The following ANKRD45 variants were observed in gnomAD, a reference collection of about 807,000 sequenced individuals.
ANKRD45 encodes the protein ankyrin repeat domain 45, also known as ankyrin repeat domain-containing protein 45.
A neutral mutation model predicts 28.1 loss-of-function variants in ANKRD45; 21 were observed. The ratio of observed to expected loss-of-function variants is 0.75; its 90% CI spans 0.53 to 1.08. ANKRD45 has a LOEUF of 1.08. Ranked by LOEUF, ANKRD45 falls within the 50% of genes least tolerant of loss-of-function variation. ANKRD45 has a pLI of 0.00. For synonymous variants in ANKRD45, 86 were observed against 103.9 expected (o/e 0.83, Z 1.05); for missense variants, 261 against 308.7 (o/e 0.85, Z 1.16).
intron 5 of ANKRD45, among the ~76,000 whole-genome samples, chr1:173,617,088 A>G (rs1239292772): frequency 6.6e-6 from 1 of 152,118 alleles, no homozygotes; most frequent in East Asian, 1.9e-4. Flanking sequence ...TCATGAGCCC[A>G]TGCCACCAGA....
intron 3 of ANKRD45, among the ~76,000 whole-genome samples, chr1:173,634,160 A>C (rs2102337106): frequency 6.6e-6 from 1 of 152,092 alleles, no homozygotes; most frequent in South Asian, 2.1e-4. Flanking sequence ...ATTTTTTTAA[A>C]TGGGCAAAAG....
At chr1:173,676,255 T>C in the ANKRD45 span, among the ~76,000 whole-genome samples, 8,522 of 152,306 alleles carry the variant, frequency 0.056, 344 homozygotes, top group Non-Finnish European at 0.08. Context: ...AATAATTGTA[T>C]TGTCATAAGA....
At chr1:173,689,153 A>T in the ANKRD45 span, among the ~76,000 whole-genome samples, 2 of 152,132 alleles carry the variant, frequency 1.3e-5, no homozygotes, top group Admixed American at 1.3e-4. Context: ...TTAGTTCAGG[A>T]CATCCTCTCT....
At position 173,609,659 on chromosome 1, in the gene ANKRD45, G is replaced by T. The variant is rs1336498891; in HGVS notation, c.*486C>A. 1 of 154,294 alleles carries T rather than the reference G, an allele frequency of 6.5e-6. No homozygotes were observed. Among genetic ancestry groups the T allele is most frequent in the Non-Finnish European group, 1.4e-5 (1 of 69,560 alleles). 9.6% of individuals were successfully genotyped at this position (154,294 alleles called of 1,614,324 possible). ...ACTCAGAGGTATACCCCACCTCACA[G>T]GTGAAATTTAATTTTGGACATAAAA... On this transcript the variant is annotated 3_prime_UTR_variant, in exon 6 of 6. Transcript: ENST00000333279.
chr1:173,638,014 T>C (rs1193954416), intron 3 of ANKRD45, among the ~76,000 whole-genome samples: 1 of 151,954 alleles, frequency 6.6e-6, no homozygotes, highest in Non-Finnish European at 1.5e-5. Context: ...AGTGACCAGG[T>C]GACTCCATGC....
At chr1:173,632,200 A>G (rs886926758) in intron 3 of ANKRD45, among the ~76,000 whole-genome samples, 8 of 152,052 alleles carry the variant, frequency 5.3e-5, no homozygotes, top group Non-Finnish European at 1.2e-4. Flanking sequence ...ATTAGAGGCT[A>G]CTATGAGCAA....
Position 173,612,785 on chromosome 1 carries a change from G to C in ANKRD45, c.731-2570C>G, listed in dbSNP as rs1667229073. The C allele has an allele frequency of 1.9e-5, 3 of 155,530 alleles. No homozygotes were observed. The South Asian group carries it at 5.4e-4, about 28-fold the overall frequency. 9.6% of individuals were successfully genotyped at this position (155,530 alleles called of 1,614,324 possible). A position where few individuals can be genotyped will look rare whatever the true frequency, so the allele number is the denominator to read the frequency against. ...TTCGTATTTTTTTGGTGGAGACGGG[G>C]TTTCGCTGTGTTGGCCGGGCTGGTC... On this transcript the variant is annotated intron_variant, in intron 5 of 5. Transcript: ENST00000333279.
chr1:173,632,021 T>G (rs1390152600), intron 3 of ANKRD45, among the ~76,000 whole-genome samples: 2 of 151,570 alleles, frequency 1.3e-5, no homozygotes, highest in Non-Finnish European at 2.9e-5. Context: ...ATTGAAATTT[T>G]AAAAAAATTC....
At chr1:173,620,894 T>A (rs1375678402) in intron 5 of ANKRD45, among the ~76,000 whole-genome samples, 2 of 151,796 alleles carry the variant, frequency 1.3e-5, no homozygotes, top group Non-Finnish European at 2.9e-5. Flanking sequence ...AAAAAATTAA[T>A]AAAATAGATA....
chr1:173,618,678 A>C (rs1389094224), intron 5 of ANKRD45, among the ~76,000 whole-genome samples: 2 of 152,208 alleles, frequency 1.3e-5, no homozygotes, highest in Non-Finnish European at 2.9e-5. Context: ...TACCTGAAAA[A>C]GACGGGGAGA....
the ANKRD45 span, among the ~76,000 whole-genome samples, chr1:173,688,561 CCTCTCTCTCTCTCTGCCGCTTCCTCT>C: frequency 5.4e-5 from 6 of 111,236 alleles, no homozygotes; most frequent in Non-Finnish European, 1.1e-4. Context: ...TCTGCCTCTT[CCTCTCTCTCTCTCTGCCGCTTCCTCT>C]CTCTCTCTCT....
In ANKRD45 at chr1:173,635,666, G is replaced by C. The variant is rs957707872; in HGVS notation, c.497-8507C>G. 15 of 1,535,310 alleles carry C rather than the reference G, an allele frequency of 9.8e-6. No individual in the cohort carries two copies. The African/African-American group carries it at 1.4e-4, about 14-fold the overall frequency. ...AGAAGTACATTATTGGAAAGTTAAG[G>C]GTTCTCCATCTCACTGCCTGCCTTA... is the stretch of plus-strand genomic sequence containing the variant. On this transcript the variant is annotated intron_variant, in intron 3 of 5. Coordinates refer to ENST00000333279, the MANE Select transcript of ANKRD45 (RefSeq NM_198493.3).
chr1:173,650,524 C>T lies in ANKRD45; in HGVS notation c.329-3511G>A, dbSNP rs534380723. ...CATTGATGGGCACTTGGGTTGGTTCCAAGTCTTTGCTATTGTGAATAGTGC... is the reference window on the plus strand; with the variant it reads ...CATTGATGGGCACTTGGGTTGGTTCTAAGTCTTTGCTATTGTGAATAGTGC... On this transcript the variant is annotated intron_variant, in intron 2 of 5. Coordinates refer to ENST00000333279, the MANE Select transcript of ANKRD45 (RefSeq NM_198493.3). 2.0e-5 allele frequency among the ~76,000 whole-genome samples: 3 copies of T among 152,242 alleles called. No individual in the cohort carries two copies. The South Asian group carries it at 6.2e-4, about 31-fold the overall frequency.
At chr1:173,655,198 C>A (rs1422333748) in intron 2 of ANKRD45, among the ~76,000 whole-genome samples, 1 of 137,076 alleles carries the variant, frequency 7.3e-6, no homozygotes, top group Non-Finnish European at 1.5e-5. Flanking sequence ...GAATTTTCAG[C>A]TTTTCTGCTC....
At chr1:173,626,783 TA>T (rs1193205971) in intron 4 of ANKRD45, among the ~76,000 whole-genome samples, 1 of 152,232 alleles carries the variant, frequency 6.6e-6, no homozygotes, top group African/African-American at 2.4e-5. Flanking sequence ...TAATTTTTTT[TA>T]CTCAATATTA....
chr1:173,609,806 C>T lies in ANKRD45; in HGVS notation c.*339G>A, dbSNP rs1667067161. 1 of 193,568 alleles carries T rather than the reference C, an allele frequency of 5.2e-6. No homozygotes were observed. Among genetic ancestry groups the T allele is most frequent in the Non-Finnish European group, 1.0e-5 (1 of 96,002 alleles). 12.0% of individuals were successfully genotyped at this position (193,568 alleles called of 1,614,324 possible). ...AACAAATTTTTTCTCTGGAAATAGCCAAATATGTCCTTTTATATGGAATGC... is the reference window on the plus strand; with the variant it reads ...AACAAATTTTTTCTCTGGAAATAGCTAAATATGTCCTTTTATATGGAATGC... On this transcript the variant is annotated 3_prime_UTR_variant, in exon 6 of 6. Coordinates refer to ENST00000333279, the MANE Select transcript of ANKRD45 (RefSeq NM_198493.3).
chr1:173,644,141 G>T (rs553874060), intron 3 of ANKRD45, among the ~76,000 whole-genome samples: 1 of 152,300 alleles, frequency 6.6e-6, no homozygotes, highest in African/African-American at 2.4e-5. Context: ...TCAGTAGAAT[G>T]CAGAAGACTA....
At chr1:173,636,105 T>C (rs1453370100) in intron 3 of ANKRD45, among the ~76,000 whole-genome samples, 1 of 152,122 alleles carries the variant, frequency 6.6e-6, no homozygotes, top group Non-Finnish European at 1.5e-5. Flanking sequence ...AGTAGTGTGC[T>C]ACCATGAGGA....
intron 2 of ANKRD45, among the ~76,000 whole-genome samples, chr1:173,652,439 G>A (rs1669276557): frequency 6.6e-6 from 1 of 152,158 alleles, no homozygotes; most frequent in Admixed American, 6.5e-5. Context: ...GCATCCCAGG[G>A]ATGAAGGCAA....
Sources: gnomAD v4.1 joint callset for allele counts (sites outside exome capture counted in the v4.1 genomes callset) on GRCh38, gnomAD v4.1.1 for gene constraint, MANE v1.5 for transcripts, NCBI Gene and HGNC (gene_info 2026-07-23, HGNC 2026-07-21) for gene names.